COL3A1: variants seen among roughly 807,000 people sequenced by gnomAD.
COL3A1 encodes collagen alpha-1(III) chain.
In COL3A1, 46 loss-of-function variants were observed where a neutral mutation model predicts 200.9. That is an observed-to-expected ratio of 0.23 (90% CI 0.18 to 0.29). COL3A1 has a LOEUF of 0.29. Ranked by LOEUF, COL3A1 falls within the 10% of genes least tolerant of loss-of-function variation. The pLI, the probability that COL3A1 is intolerant of heterozygous loss-of-function variation, is 1.00. For synonymous variants in COL3A1, 650 were observed against 628.0 expected, an observed-to-expected ratio of 1.03 and a Z score of -0.52; for missense variants, 1,367 against 1,917.6, an observed-to-expected ratio of 0.71 and a Z score of 5.36.
At position 189,011,730 on chromosome 2, in the gene COL3A1, G is replaced by A. The variant is rs1131691353; in HGVS notation, c.4357G>A (p.Asp1453Asn). The A allele has an allele frequency of 4.3e-6, 7 of 1,613,858 alleles. No homozygotes were observed. The highest frequency in any genetic ancestry group is 1.6e-4 in the Middle Eastern group (1 of 6,084). Residue 1453 changes from aspartate (D) to asparagine (N), a missense_variant, in exon 51 of 51, where the codon GAT (aspartate) becomes AAT (asparagine). Transcript: ENST00000304636. Reference sequence around the variant, plus strand: ...TGCACCCTATGACATTGGTGGTCCTGATCAAGAATTTGGTGTGGACGTTGG... The same window carrying A: ...TGCACCCTATGACATTGGTGGTCCTAATCAAGAATTTGGTGTGGACGTTGG... Reference protein sequence around the residue: ...DIAPYDIGGPDQEFGVDVGPV... With the variant: ...DIAPYDIGGPNQEFGVDVGPV...
chr2:189,003,125 C>G, intron 36 of COL3A1, 63 bp downstream of exon 36: 1 of 1,279,206 alleles, frequency 7.8e-7, no homozygotes, highest in Non-Finnish European at 1.1e-6. Context: ...GATTATCTGT[C>G]TATCTCTCCC....
Position 188,985,000 on chromosome 2 carries a change from T to C in COL3A1, c.282+38T>C. On this transcript the variant is annotated intron_variant, in intron 2 of 50. Transcript: ENST00000304636. The stretch of plus-strand genomic sequence containing the variant: ...ATAAACTGTACATCTTCAATATTCA[T>C]ATTTAGACACATGAATAGCTCCTAT... 2.5e-6 allele frequency: 4 copies of C among 1,588,116 alleles called. No homozygotes were observed. In the South Asian group the frequency reaches 4.4e-5, roughly 18 times the overall value.
chr2:188,981,035 G>A (rs1687941956), intron 1 of COL3A1, among the ~76,000 whole-genome samples: 1 of 151,274 alleles, frequency 6.6e-6, no homozygotes, highest in Admixed American at 6.6e-5. Context: ...TTAATTAGGT[G>A]CTTTAGGGAA....
chr2:189,002,442 A>G, intron 35 of COL3A1, 91 bp downstream of exon 35: 1 of 1,214,162 alleles, frequency 8.2e-7, no homozygotes, highest in Non-Finnish European at 1.2e-6. Flanking sequence ...TTTGGTTTCT[A>G]GTCTCATTTT....
rs574133047 is a variant in COL3A1 at position 188,994,323 on chromosome 2, A to T, written c.1284A>T (p.Arg428=). The change falls in exon 18 of 51, where the codon CGA becomes CGT. Residue 428 remains arginine, a synonymous_variant. Coordinates refer to ENST00000304636, the MANE Select transcript of COL3A1 (RefSeq NM_000090.4). The surrounding 1 kb of genome is among the most constrained non-coding windows in gnomAD (Gnocchi z 4.5). ...GTGCTAATGGTGCTCCTGGACTGCG[A>T]GGTGGTGCAGTAAGTTGCCTTGTTT... ...PAGANGAPGL[R]GGAGEPGKNG... 6.2e-7 allele frequency: 1 copy of T among 1,613,634 alleles called. No homozygotes were observed. The highest frequency in any genetic ancestry group is 1.1e-5 in the South Asian group (1 of 91,056).
At chr2:189,008,163 A>G in intron 47 of COL3A1, 21 bp downstream of exon 47, 1 of 1,580,958 alleles carries the variant, frequency 6.3e-7, no homozygotes, top group Non-Finnish European at 8.7e-7. Flanking sequence ...ACTTATACGT[A>G]TGTGTATTTA....
intron 47 of COL3A1, chr2:189,008,496 T>C (rs1230206753): frequency 2.5e-6 from 1 of 399,972 alleles, no homozygotes; most frequent in Non-Finnish European, 4.6e-6. Context: ...CTCAAACAGC[T>C]TCCATGGTTA....
chr2:189,001,282 T>C, intron 32 of COL3A1, 115 bp from the exon 33 acceptor site: 1 of 1,027,660 alleles, frequency 9.7e-7, no homozygotes, highest in Non-Finnish European at 1.5e-6. Flanking sequence ...TAAAAATTTT[T>C]AAAAAGTATG....
chr2:189,003,107 T>C, intron 36 of COL3A1, 45 bp downstream of exon 36: 1 of 1,393,468 alleles, frequency 7.2e-7, no homozygotes, highest in Non-Finnish European at 1.0e-6. Flanking sequence ...ATCATCTATC[T>C]ATCTATTGAT....
intron 28 of COL3A1, 78 bp from the exon 29 acceptor site, chr2:188,998,596 C>A: frequency 7.1e-7 from 1 of 1,406,116 alleles, no homozygotes; most frequent in Non-Finnish European, 1.0e-6. Flanking sequence ...TACATATTTG[C>A]TTATATTTAC....
At chr2:188,977,979 G>A (rs944715823) in intron 1 of COL3A1, 1 of 306,202 alleles carries the variant, frequency 3.3e-6, no homozygotes, top group Non-Finnish European at 6.6e-6. Flanking sequence ...ATAACACTTT[G>A]TGTTTTTCAT....
chr2:189,003,707 A>G (rs1688522128), intron 37 of COL3A1, 27 bp from the exon 38 acceptor site: 1 of 1,613,096 alleles, frequency 6.2e-7, no homozygotes, highest in Non-Finnish European at 8.5e-7. Context: ...TACTTTTGAA[A>G]TTCAAAAATA....
At chr2:188,997,262 C>G in intron 25 of COL3A1, 44 bp downstream of exon 25, 1 of 1,612,062 alleles carries the variant, frequency 6.2e-7, no homozygotes, top group Non-Finnish European at 8.5e-7. Context: ...CTAATAGATG[C>G]GTTCATCTCC....
Position 188,994,883 on chromosome 2 carries a change from A to G in COL3A1, c.1455+52A>G. The G allele has an allele frequency of 1.9e-6, 3 of 1,599,660 alleles. No individual in the cohort carries two copies. The highest frequency in any genetic ancestry group is 2.6e-6 in the Non-Finnish European group (3 of 1,167,996). On this transcript the variant is annotated intron_variant, in intron 20 of 50. Transcript: ENST00000304636. The surrounding 1 kb of genome is among the most constrained non-coding windows in gnomAD (Gnocchi z 4.5). ...GAAAAGCAGCATCACTGTCATCTAA[A>G]TAAAACTACCTTCAGGGTGAGACAG...
chr2:188,992,576 G>A (rs1688211223), intron 14 of COL3A1, among the ~76,000 whole-genome samples: 1 of 152,008 alleles, frequency 6.6e-6, no homozygotes, highest in South Asian at 2.1e-4. Context: ...ACTTTAAAGA[G>A]TCCTACAAAA....
At chr2:188,998,166 A>G (rs1688371153) in intron 27 of COL3A1, 100 bp from the exon 28 acceptor site, 1 of 1,110,986 alleles carries the variant, frequency 9.0e-7, no homozygotes, top group Non-Finnish European at 1.3e-6. Context: ...GACCACTGGA[A>G]CTTTTTTTTA....
intron 15 of COL3A1, 43 bp downstream of exon 15, chr2:188,992,983 G>A (rs28763876): frequency 6.3e-6 from 10 of 1,584,372 alleles, no homozygotes; most frequent in Non-Finnish European, 8.7e-6. Context: ...ATATCTTGGA[G>A]GCAAGAGAAA....
intron 11 of COL3A1, 117 bp downstream of exon 11, chr2:188,991,174 A>G: frequency 9.3e-7 from 1 of 1,079,940 alleles, no homozygotes; most frequent in Admixed American, 2.0e-5. Context: ...AATTTTACCT[A>G]TTAGGTGTGA....
chr2:189,004,482 T>A, intron 40 of COL3A1, 118 bp downstream of exon 40: 1 of 849,704 alleles, frequency 1.2e-6, no homozygotes, highest in East Asian at 2.8e-5. Context: ...CAGGAGATAA[T>A]TTTTTTTTAT....
Sources: allele counts gnomAD v4.1 joint callset (sites outside exome capture counted in the v4.1 genomes callset), GRCh38; gene constraint gnomAD v4.1.1; non-coding constraint Gnocchi (gnomAD v3.1); transcripts MANE v1.5; gene names NCBI Gene and HGNC (gene_info 2026-07-23, HGNC 2026-07-21).